TBC1D10B: variants seen among roughly 807,000 people sequenced by gnomAD.
TBC1D10B encodes the protein TBC1 domain family member 10B, also known as Rab27A-GAPbeta.
TBC1D10B carries 25 observed loss-of-function variants against 78.4 expected under a neutral mutation model. The ratio of observed to expected loss-of-function variants is 0.32; its 90% CI spans 0.23 to 0.45. The LOEUF (loss-of-function observed/expected upper bound fraction) is 0.45, where lower values mean the gene tolerates loss of function less well. Among genes scored for constraint, TBC1D10B ranks in the 20% least tolerant of loss-of-function variants. The pLI is 1.00. For missense variants in TBC1D10B, 996 were observed against 1,104.8 expected (o/e 0.90, Z 1.40); for synonymous variants, 517 against 478.0 (o/e 1.08, Z -1.06).
rs969291860 is a variant in TBC1D10B at position 30,369,727 on chromosome 16, G to A, written c.457C>T (p.Pro153Ser). 2 of 1,470,190 alleles carry A rather than the reference G, an allele frequency of 1.4e-6. No homozygotes were observed. Among genetic ancestry groups the A allele is most frequent in the Non-Finnish European group, 1.8e-6 (2 of 1,108,948 alleles). 91.1% of individuals were successfully genotyped at this position (1,470,190 alleles called of 1,614,324 possible). ...APGPGTPTGT[P>S]TRTPSRTAPG... ...GCCGTTCTGGAAGGGGTCCTGGTAG[G>A]GGTCCCGGTGGGGGTCCCTGGTCCT... The change falls in exon 1 of 9, where the codon CCT becomes TCT. Residue 153 changes from proline (P) to serine (S), a missense_variant. Physicochemically the swap from Pro to Ser is moderately conservative, Grantham distance 74 (BLOSUM62 -1). Coordinates refer to ENST00000409939, the MANE Select transcript of TBC1D10B (RefSeq NM_015527.4). This position sits in a 1 kb window ranked among gnomAD's most constrained non-coding sequence, Gnocchi z 4.3.
At chr16:30,367,419 A>C (rs1282555907) in intron 1 of TBC1D10B, 8 of 152,212 alleles carry the variant, frequency 5.3e-5, no homozygotes, top group Admixed American at 1.3e-4. Context: ...GGGAAGAGTA[A>C]GATACCTTCT....
chr16:30,359,379 C>A lies in TBC1D10B; in HGVS notation c.1453-18G>T. On this transcript the variant is annotated intron_variant, in intron 6 of 8. Coordinates refer to ENST00000409939, the MANE Select transcript of TBC1D10B (RefSeq NM_015527.4). ...ATGGCCTCCTGCAGGTGGGACAAGC[C>A]ATGAGAAGAGGGCCAAGTCAGCTGT... is the stretch of plus-strand genomic sequence containing the variant. 1.3e-6 allele frequency: 2 copies of A among 1,557,296 alleles called. No individual in the cohort carries two copies. Among genetic ancestry groups the A allele is most frequent in the Non-Finnish European group, 1.7e-6 (2 of 1,150,642 alleles).
rs1369327108 is a variant in TBC1D10B at position 30,369,676 on chromosome 16, G to A, written c.508C>T (p.Pro170Ser). Residue 170 changes from proline to serine, a missense_variant, in exon 1 of 9, where the codon CCG (proline) becomes TCG (serine). Coordinates refer to ENST00000409939, the MANE Select transcript of TBC1D10B (RefSeq NM_015527.4). The surrounding 1 kb of genome is among the most constrained non-coding windows in gnomAD (Gnocchi z 4.3). ...GTGGTTCCCGGCTTGGGGGCAAGCG[G>A]GGGTTTGGCGGTCAGGGCACCAGGA... is the stretch of plus-strand genomic sequence containing the variant. The part of the protein sequence containing the change: ...TAPGALTAKP[P>S]LAPKPGTTVA... 7 of 1,531,042 alleles carry A rather than the reference G, an allele frequency of 4.6e-6. No individual in the cohort carries two copies. The South Asian group carries it at 6.1e-5, about 13-fold the overall frequency. The allele number at this position is 1,531,042 out of a possible 1,614,324, so 94.8% of individuals were successfully genotyped here. A position where few individuals can be genotyped will look rare whatever the true frequency, so the allele number is the denominator to read the frequency against.
chr16:30,361,303 A>C (rs920323872), intron 4 of TBC1D10B, among the ~76,000 whole-genome samples: 4 of 152,130 alleles, frequency 2.6e-5, no homozygotes, highest in African/African-American at 9.7e-5. Context: ...AACAAACAAA[A>C]AAAAGTCTCT....
At chr16:30,363,758 T>C (rs1405791378) in intron 4 of TBC1D10B, among the ~76,000 whole-genome samples, 2 of 152,186 alleles carry the variant, frequency 1.3e-5, no homozygotes, top group Non-Finnish European at 2.9e-5. Context: ...CATTTGTGAC[T>C]AGACAGTGCC....
At chr16:30,368,119 C>T (rs2049650775) in intron 1 of TBC1D10B, 1 of 152,186 alleles carries the variant, frequency 6.6e-6, no homozygotes, top group African/African-American at 2.4e-5. Context: ...GTTGCTTTCC[C>T]ATGTAAGACC....
Position 30,359,167 on chromosome 16 carries a change from A to C in TBC1D10B, c.1642+5T>G, listed in dbSNP as rs749973452. On this transcript the variant is annotated splice_donor_5th_base_variant and intron_variant, in intron 7 of 8. Transcript: ENST00000409939. ...CCCTCATGGCCTGGAGGGCCACAGA[A>C]GTACCTTCACAGAAAAACATGTCCC... 4.4e-6 allele frequency: 7 copies of C among 1,607,596 alleles called. No individual in the cohort carries two copies. In the South Asian group the frequency reaches 5.6e-5, roughly 13 times the overall value.
At position 30,370,044 on chromosome 16, in the gene TBC1D10B, G is replaced by T; in HGVS notation, c.140C>A (p.Ser47Ter). 8.1e-7 allele frequency: 1 copy of T among 1,230,098 alleles called. No individual in the cohort carries two copies. The allele number at this position is 1,230,098 out of a possible 1,614,324, so 76.2% of individuals were successfully genotyped here. A position where few individuals can be genotyped will look rare whatever the true frequency, so the allele number is the denominator to read the frequency against. Reference protein sequence around the residue: ...APGPPVTTATSAPVTLVAPGE... With the variant: ...APGPPVTTAT Reference sequence around the variant, plus strand: ...GGGGGCCACCAGGGTGACGGGGGCCGAAGTGGCCGTAGTCACTGGAGGTCC... The same window carrying T: ...GGGGGCCACCAGGGTGACGGGGGCCTAAGTGGCCGTAGTCACTGGAGGTCC... Residue 47 changes from serine to a stop codon, truncating the protein, a stop_gained, in exon 1 of 9, where the codon TCG (serine) becomes TAG (stop). Coordinates refer to ENST00000409939, the MANE Select transcript of TBC1D10B (RefSeq NM_015527.4). LOFTEE classifies it high-confidence loss of function.
chr16:30,361,148 G>A, intron 4 of TBC1D10B, among the ~76,000 whole-genome samples: 1 of 152,100 alleles, frequency 6.6e-6, no homozygotes, highest in East Asian at 1.9e-4. Context: ...AGCCAGGTGT[G>A]GTGGCGGGCA....
rs2049669103 is a variant in TBC1D10B, at chr16:30,369,687, G to A, written c.497C>T (p.Thr166Ile). The change falls in exon 1 of 9, where the codon ACC (threonine) becomes ATC (isoleucine). Residue 166 changes from threonine (T) to isoleucine (I), a missense_variant. This residue lies in a region of TBC1D10B where 448 missense variants were observed against 442.1 expected (regional missense o/e 1.01). Transcript: ENST00000409939. This position sits in a 1 kb window ranked among gnomAD's most constrained non-coding sequence, Gnocchi z 4.3. ...TPSRTAPGAL[T>I]AKPPLAPKPG... ...CTTGGGGGCAAGCGGGGGTTTGGCG[G>A]TCAGGGCACCAGGAGCCGTTCTGGA... The A allele has an allele frequency of 1.3e-6, 2 of 1,528,700 alleles. No individual in the cohort carries two copies. The highest frequency in any genetic ancestry group is 2.5e-5 in the South Asian group (2 of 81,038). 94.7% of individuals were successfully genotyped at this position (1,528,700 alleles called of 1,614,324 possible).
intron 4 of TBC1D10B, chr16:30,360,051 G>A: frequency 1.1e-5 from 6 of 561,844 alleles, no homozygotes; most frequent in East Asian, 5.9e-5. Flanking sequence ...ACATGCTCCT[G>A]GCCATCCCAG....
chr16:30,364,331 C>T (rs1250344687), intron 4 of TBC1D10B, among the ~76,000 whole-genome samples: 1 of 151,962 alleles, frequency 6.6e-6, no homozygotes, highest in African/African-American at 2.4e-5. Context: ...ATCCCAGCTA[C>T]TCAGGAGGCT....
intron 4 of TBC1D10B, among the ~76,000 whole-genome samples, chr16:30,362,411 C>T (rs1596986858): frequency 6.6e-6 from 1 of 152,242 alleles, no homozygotes; most frequent in African/African-American, 2.4e-5. Context: ...AACCCCACTA[C>T]ATTTTGCTCC....
intron 4 of TBC1D10B, among the ~76,000 whole-genome samples, chr16:30,361,465 C>T (rs910979197): frequency 6.6e-5 from 10 of 152,110 alleles, no homozygotes; most frequent in Admixed American, 2.6e-4. Context: ...GTTTCACTCT[C>T]GTTGCCCAGG....
In TBC1D10B at chr16:30,370,215, G is replaced by C. The variant is rs954347403; in HGVS notation, c.-32C>G. On this transcript the variant is annotated 5_prime_UTR_variant, in exon 1 of 9. Coordinates refer to ENST00000409939, the MANE Select transcript of TBC1D10B (RefSeq NM_015527.4). ...GGGCCGCCCCTCACATCCCCCCGCC[G>C]GGGAGGCCGCAGAAGGCGCCGCCCC... 1.8e-6 allele frequency: 2 copies of C among 1,100,588 alleles called. No individual in the cohort carries two copies. Among genetic ancestry groups the C allele is most frequent in the Non-Finnish European group, 2.2e-6 (2 of 893,320 alleles). 68.2% of individuals were successfully genotyped at this position (1,100,588 alleles called of 1,614,324 possible).
At position 30,369,755 on chromosome 16, in the gene TBC1D10B, G is replaced by C. The variant is rs1430819089; in HGVS notation, c.429C>G (p.Ala143=). 2 of 1,456,904 alleles carry C rather than the reference G, an allele frequency of 1.4e-6. No individual in the cohort carries two copies. Among genetic ancestry groups the C allele is most frequent in the Non-Finnish European group, 1.8e-6 (2 of 1,102,260 alleles). 90.2% of individuals were successfully genotyped at this position (1,456,904 alleles called of 1,614,324 possible). A position where few individuals can be genotyped will look rare whatever the true frequency, so the allele number is the denominator to read the frequency against. The change falls in exon 1 of 9, where the codon GCC becomes GCG. Residue 143 remains alanine, a synonymous_variant. Transcript: ENST00000409939. This position sits in a 1 kb window ranked among gnomAD's most constrained non-coding sequence, Gnocchi z 4.3. ...TCCCGGTGGGGGTCCCTGGTCCTGG[G>C]GCGGGTGAGGGTCGAGCCTCCTCTG... ...PKTEEARPSP[A]PGPGTPTGTP... is the part of the protein sequence containing the mutation.
rs200532678 is a variant in TBC1D10B at position 30,365,036 on chromosome 16, C to T, written c.1165-30G>A. On this transcript the variant is annotated intron_variant, in intron 3 of 8. Transcript: ENST00000409939. The surrounding 1 kb of genome is among the most constrained non-coding windows in gnomAD (Gnocchi z 5.0). ...AGTGGGACAGTGGGGATTACCTCAG[C>T]ATCTGGGGGAACTGATACCCCTTGC... The T allele has an allele frequency of 1.2e-4, 194 of 1,612,714 alleles. No homozygotes were observed. Among genetic ancestry groups the T allele is most frequent in the Non-Finnish European group, 1.4e-4 (165 of 1,178,996 alleles).
At chr16:30,359,475 G>GC in intron 6 of TBC1D10B, 63 bp downstream of exon 6, 1 of 1,550,208 alleles carries the variant, frequency 6.5e-7, no homozygotes, top group African/African-American at 1.4e-5. Context: ...GCAAGGCAAG[G>GC]ACCTGCCTGC....
Position 30,370,204 on chromosome 16 carries a change from A to C in TBC1D10B, c.-21T>G. 4.5e-6 allele frequency: 5 copies of C among 1,117,264 alleles called. No homozygotes were observed. The highest frequency in any genetic ancestry group is 8.9e-5 in the East Asian group (2 of 22,506). The allele number at this position is 1,117,264 out of a possible 1,614,324, so 69.2% of individuals were successfully genotyped here. On this transcript the variant is annotated 5_prime_UTR_variant, in exon 1 of 9. It removes an upstream start codon present in the reference 5' UTR. Transcript: ENST00000409939. The stretch of plus-strand genomic sequence containing the variant: ...TCCATGGCCGCGGGCCGCCCCTCAC[A>C]TCCCCCCGCCGGGGAGGCCGCAGAA...
Sources: allele counts gnomAD v4.1 joint callset (sites outside exome capture counted in the v4.1 genomes callset), GRCh38; gene constraint gnomAD v4.1.1; regional missense constraint gnomAD v4.1.1; non-coding constraint Gnocchi (gnomAD v3.1); transcripts MANE v1.5; gene names NCBI Gene and HGNC (gene_info 2026-07-23, HGNC 2026-07-21).